The following CCSER1 variants were observed in gnomAD, a reference collection of about 807,000 sequenced individuals.
The protein encoded by CCSER1 is coiled-coil serine rich protein 1.
In CCSER1, 41 loss-of-function variants were observed where a neutral mutation model predicts 82.0. The observed-to-expected ratio is 0.50, with a 90% CI of 0.39 to 0.65. The LOEUF (loss-of-function observed/expected upper bound fraction) is 0.65. Among genes scored for constraint, CCSER1 ranks in the 30% least tolerant of loss-of-function variants. The pLI, the probability that CCSER1 is intolerant of heterozygous loss-of-function variation, is 0.00. For missense variants in CCSER1, 1,119 were observed against 1,064.2 expected, an observed-to-expected ratio of 1.05 and a Z score of -0.72; for synonymous variants, 414 against 383.9, an observed-to-expected ratio of 1.08 and a Z score of -0.92.
At chr4:90,803,961 A>G (rs1242146469) in intron 7 of CCSER1, among the ~76,000 whole-genome samples, 1 of 152,194 alleles carries the variant, frequency 6.6e-6, no homozygotes, top group Non-Finnish European at 1.5e-5. Flanking sequence ...TCTGATGACC[A>G]GTGATGATGA....
chr4:90,958,829 C>T (rs866927205), intron 9 of CCSER1, among the ~76,000 whole-genome samples: 12 of 152,098 alleles, frequency 7.9e-5, no homozygotes, highest in Admixed American at 2.0e-4. Context: ...GTTGTTTAAG[C>T]CACCCAGACT....
At chr4:91,203,340 G>T (rs1736083401) in intron 10 of CCSER1, among the ~76,000 whole-genome samples, 1 of 151,722 alleles carries the variant, frequency 6.6e-6, no homozygotes, top group Admixed American at 6.6e-5. Context: ...AATGTTGCTA[G>T]GAAATATTAC....
intron 8 of CCSER1, among the ~76,000 whole-genome samples, chr4:90,862,249 T>C (rs556707081): frequency 1.8e-4 from 27 of 151,904 alleles, no homozygotes; most frequent in Non-Finnish European, 3.2e-4. Context: ...TTAGATTGTG[T>C]TTTCATATGC....
chr4:91,136,480 T>C (rs1426554988), intron 10 of CCSER1, among the ~76,000 whole-genome samples: 2 of 152,188 alleles, frequency 1.3e-5, no homozygotes, highest in East Asian at 3.8e-4. Flanking sequence ...ACTCTAATCT[T>C]TTCCATCTCC....
intron 10 of CCSER1, among the ~76,000 whole-genome samples, chr4:91,176,804 C>G (rs1263100510): frequency 2.6e-5 from 4 of 152,040 alleles, no homozygotes; most frequent in Non-Finnish European, 5.9e-5. Flanking sequence ...AATTGAATAC[C>G]CTTTATTTCT....
At chr4:90,199,496 A>G (rs1200261332) in intron 1 of CCSER1, among the ~76,000 whole-genome samples, 4 of 152,188 alleles carry the variant, frequency 2.6e-5, no homozygotes, top group African/African-American at 9.7e-5. Context: ...GTTAACATGA[A>G]ACAATTTTTC....
At chr4:90,511,911 A>C (rs1439076094) in intron 5 of CCSER1, among the ~76,000 whole-genome samples, 1 of 152,108 alleles carries the variant, frequency 6.6e-6, no homozygotes, top group Admixed American at 6.6e-5. Context: ...GTAGGTATGA[A>C]TATGTGGTGG....
intron 10 of CCSER1, among the ~76,000 whole-genome samples, chr4:91,177,211 T>A (rs960930621): frequency 4.6e-5 from 7 of 152,204 alleles, no homozygotes; most frequent in Non-Finnish European, 8.8e-5. Flanking sequence ...TGCTGCTGGA[T>A]TCGGTTTGCC....
chr4:91,311,426 C>T (rs1745469561), intron 10 of CCSER1, among the ~76,000 whole-genome samples: 2 of 151,880 alleles, frequency 1.3e-5, no homozygotes, highest in South Asian at 4.1e-4. Flanking sequence ...GACACTTTGA[C>T]ATAGATTTTT....
At chr4:90,892,659 A>C (rs1225869055) in intron 8 of CCSER1, among the ~76,000 whole-genome samples, 1 of 151,766 alleles carries the variant, frequency 6.6e-6, no homozygotes, top group Non-Finnish European at 1.5e-5. Context: ...ATTCTAGAAA[A>C]TTTTCTTGTG....
At chr4:91,484,471 A>G (rs947684687) in intron 10 of CCSER1, among the ~76,000 whole-genome samples, 1 of 152,202 alleles carries the variant, frequency 6.6e-6, no homozygotes, top group African/African-American at 2.4e-5. Flanking sequence ...CAATGAATCC[A>G]TTCTGGCTTC....
chr4:91,299,050 A>G (rs1744454795), intron 10 of CCSER1, among the ~76,000 whole-genome samples: 1 of 151,890 alleles, frequency 6.6e-6, no homozygotes, highest in African/African-American at 2.4e-5. Context: ...TCTGCATTCT[A>G]TGTTTAACAG....
intron 1 of CCSER1, among the ~76,000 whole-genome samples, chr4:90,280,521 G>T (rs770504534): frequency 2.0e-5 from 3 of 151,906 alleles, no homozygotes; most frequent in Non-Finnish European, 4.4e-5. Flanking sequence ...CATCTTACAT[G>T]ACAAATGGAT....
intron 9 of CCSER1, among the ~76,000 whole-genome samples, chr4:91,036,205 C>T (rs1400292381): frequency 6.6e-6 from 1 of 152,134 alleles, no homozygotes; most frequent in Non-Finnish European, 1.5e-5. Flanking sequence ...AGATACCAAC[C>T]TTCCCTCATT....
chr4:90,482,515 A>G (rs1172562906), intron 5 of CCSER1, among the ~76,000 whole-genome samples: 1 of 152,306 alleles, frequency 6.6e-6, no homozygotes, highest in African/African-American at 2.4e-5. Flanking sequence ...ATTTAGTGCT[A>G]TACATTTCTC....
chr4:90,857,264 C>T (rs1254718169), intron 8 of CCSER1, among the ~76,000 whole-genome samples: 1 of 152,084 alleles, frequency 6.6e-6, no homozygotes, highest in Non-Finnish European at 1.5e-5. Flanking sequence ...GAATGACCCA[C>T]TTTCAAGCTC....
chr4:90,925,978 TAAAC>T (rs947643632), intron 9 of CCSER1, among the ~76,000 whole-genome samples: 2 of 152,034 alleles, frequency 1.3e-5, no homozygotes, highest in African/African-American at 2.4e-5. Flanking sequence ...TGGAAATACT[TAAAC>T]AAATCAAAAA....
At chr4:90,922,029 A>T (rs1393404872) in intron 8 of CCSER1, among the ~76,000 whole-genome samples, 1 of 151,974 alleles carries the variant, frequency 6.6e-6, no homozygotes, top group Non-Finnish European at 1.5e-5. Flanking sequence ...ATAATTAAAA[A>T]CTTCTACCTC....
At chr4:91,201,460 C>G (rs756247194) in intron 10 of CCSER1, among the ~76,000 whole-genome samples, 10 of 152,046 alleles carry the variant, frequency 6.6e-5, no homozygotes, top group Non-Finnish European at 1.3e-4. Flanking sequence ...ACAACTATTT[C>G]AGATGTAAAT....
Sources: allele counts gnomAD v4.1 joint callset (sites outside exome capture counted in the v4.1 genomes callset), GRCh38; gene constraint gnomAD v4.1.1; transcripts MANE v1.5; gene names NCBI Gene and HGNC (gene_info 2026-07-23, HGNC 2026-07-21).